SNX4: variants seen among roughly 807,000 people sequenced by gnomAD.
The protein encoded by SNX4 is sorting nexin 4.
SNX4 carries 49 observed loss-of-function variants against 70.8 expected under a neutral mutation model. The observed-to-expected ratio is 0.69, with a 90% CI of 0.55 to 0.88. SNX4 has a LOEUF of 0.88. Ranked by LOEUF, SNX4 falls within the 40% of genes least tolerant of loss-of-function variation. The pLI is 0.00. For synonymous variants in SNX4, 206 were observed against 183.8 expected, an observed-to-expected ratio of 1.12 and a Z score of -0.98; for missense variants, 528 against 544.8, an observed-to-expected ratio of 0.97 and a Z score of 0.31.
intron 7 of SNX4, among the ~76,000 whole-genome samples, chr3:125,479,894 A>C (rs1934371217): frequency 6.6e-6 from 1 of 152,218 alleles, no homozygotes; most frequent in African/African-American, 2.4e-5. Context: ...AGGATGGCCT[A>C]ACACCTATAA....
chr3:125,453,750 T>C (rs768222636), intron 12 of SNX4, 60 bp downstream of exon 12: 2 of 1,430,424 alleles, frequency 1.4e-6, no homozygotes, highest in Non-Finnish European at 1.9e-6. Context: ...AATAAATAAA[T>C]AAAATAATCT....
At chr3:125,519,938 GGCCCGGCCCGGCCCA>G in intron 1 of SNX4, 79 bp downstream of exon 1, 3 of 835,520 alleles carry the variant, frequency 3.6e-6, no homozygotes, top group Non-Finnish European at 4.8e-6. Flanking sequence ...CGAGCCCACT[GGCCCGGCCCGGCCCA>G]GCCCAGCCCA....
At chr3:125,453,779 C>T (rs759484770) in intron 12 of SNX4, 31 bp downstream of exon 12, 53 of 1,607,314 alleles carry the variant, frequency 3.3e-5, no homozygotes, top group Non-Finnish European at 4.1e-5. Flanking sequence ...GTCTACAAGC[C>T]TAGCTTACTT....
At chr3:125,464,326 AT>A (rs915133612) in intron 9 of SNX4, among the ~76,000 whole-genome samples, 3 of 151,918 alleles carry the variant, frequency 2.0e-5, no homozygotes, top group African/African-American at 7.3e-5. Flanking sequence ...ATTTAAAGTA[AT>A]TTTTTCTTTT....
chr3:125,465,219 T>C (rs564975597), intron 9 of SNX4, among the ~76,000 whole-genome samples: 1 of 152,002 alleles, frequency 6.6e-6, no homozygotes, highest in South Asian at 2.1e-4. Context: ...ACTATCTTCA[T>C]AACTTAGCTT....
chr3:125,503,072 A>G (rs1934967445), intron 2 of SNX4, among the ~76,000 whole-genome samples: 1 of 151,742 alleles, frequency 6.6e-6, no homozygotes, highest in South Asian at 2.1e-4. Context: ...ACACCTGGCT[A>G]ATTTTCATAT....
chr3:125,464,356 G>C (rs984546306), intron 9 of SNX4, among the ~76,000 whole-genome samples: 1 of 151,168 alleles, frequency 6.6e-6, no homozygotes, highest in Admixed American at 6.6e-5. Context: ...TCTTAACAAT[G>C]TTTTCCACTA....
At chr3:125,502,094 T>C (rs918805320) in intron 2 of SNX4, among the ~76,000 whole-genome samples, 1 of 152,238 alleles carries the variant, frequency 6.6e-6, no homozygotes, top group Non-Finnish European at 1.5e-5. Flanking sequence ...CCTTTTTCAT[T>C]GTAAACTTAA....
chr3:125,509,140 C>A (rs185974249), intron 1 of SNX4, among the ~76,000 whole-genome samples: 1 of 151,550 alleles, frequency 6.6e-6, no homozygotes, highest in Admixed American at 6.6e-5. Flanking sequence ...CAAGATCAGC[C>A]TGGCCCACAT....
rs1933458622 is a variant in SNX4 at position 125,447,693 on chromosome 3, A to G, written c.*86T>C. On this transcript the variant is annotated 3_prime_UTR_variant, in exon 14 of 14. Coordinates refer to ENST00000251775, the MANE Select transcript of SNX4 (RefSeq NM_003794.4). ...TTTAACTTATTGTATATGTTTATGT[A>G]TACTAGGTAGTGACTTAAATTTCTT... 4 of 868,126 alleles carry G rather than the reference A, an allele frequency of 4.6e-6. No individual in the cohort carries two copies. The South Asian group carries it at 6.3e-5, about 14-fold the overall frequency. The allele number at this position is 868,126 out of a possible 1,614,324, so 53.8% of individuals were successfully genotyped here.
At chr3:125,519,962 C>G (rs1421368759) in intron 1 of SNX4, 70 bp downstream of exon 1, 1 of 1,320,246 alleles carries the variant, frequency 7.6e-7, no homozygotes. Flanking sequence ...CAGCCCAGCC[C>G]AGCCCAGCCC....
chr3:125,447,759 G>C lies in SNX4; in HGVS notation c.*20C>G, dbSNP rs757163476. On this transcript the variant is annotated 3_prime_UTR_variant, in exon 14 of 14. Coordinates refer to ENST00000251775, the MANE Select transcript of SNX4 (RefSeq NM_003794.4). ...TCTGTTTTGGGGCACTTTGATTGAAGAGAAATTCAATTCACAGGATTACAT... is the reference window on the plus strand; with the variant it reads ...TCTGTTTTGGGGCACTTTGATTGAACAGAAATTCAATTCACAGGATTACAT... 36 of 1,574,218 alleles carry C rather than the reference G, an allele frequency of 2.3e-5. No homozygotes were observed. Among genetic ancestry groups the C allele is most frequent in the Non-Finnish European group, 2.9e-5 (33 of 1,157,556 alleles).
At chr3:125,490,734 T>C (rs1277421842) in intron 5 of SNX4, among the ~76,000 whole-genome samples, 1 of 151,402 alleles carries the variant, frequency 6.6e-6, no homozygotes, top group African/African-American at 2.4e-5. Flanking sequence ...CTGCATAAAA[T>C]GTATACGTAA....
chr3:125,512,236 G>A (rs2107573127), intron 1 of SNX4, among the ~76,000 whole-genome samples: 1 of 152,198 alleles, frequency 6.6e-6, no homozygotes, highest in East Asian at 1.9e-4. Flanking sequence ...ATACATTCTG[G>A]CCCACAGCCA....
intron 9 of SNX4, among the ~76,000 whole-genome samples, chr3:125,464,205 ACT>A (rs1933952146): frequency 6.6e-6 from 1 of 151,856 alleles, no homozygotes; most frequent in Admixed American, 6.6e-5. Context: ...TGCAACTGAA[ACT>A]CTGCACCCCA....
At chr3:125,461,316 C>T (rs905903188) in intron 9 of SNX4, among the ~76,000 whole-genome samples, 1 of 152,192 alleles carries the variant, frequency 6.6e-6, no homozygotes, top group Admixed American at 6.5e-5. Context: ...GTTGTAAGTA[C>T]AGACAGTGAG....
At chr3:125,471,311 T>C (rs1293334592) in intron 8 of SNX4, among the ~76,000 whole-genome samples, 1 of 91,310 alleles carries the variant, frequency 1.1e-5, no homozygotes, top group Admixed American at 1.7e-4. Context: ...GCCATTGCAC[T>C]CCAGTGTGGG....
At chr3:125,500,890 AC>A (rs1381754948) in intron 2 of SNX4, among the ~76,000 whole-genome samples, 2,299 of 108,372 alleles carry the variant, frequency 0.021, 58 homozygotes, top group African/African-American at 0.084. Flanking sequence ...TGGCTAATTT[AC>A]AAAAAAAAAA....
chr3:125,514,389 C>CT (rs57357708), intron 1 of SNX4, among the ~76,000 whole-genome samples: 3,568 of 127,112 alleles, frequency 0.028, 83 homozygotes, highest in Non-Finnish European at 0.045. Flanking sequence ...GTGACCAACA[C>CT]TTTTTTTTTT....
Sources: allele counts gnomAD v4.1 joint callset (sites outside exome capture counted in the v4.1 genomes callset), GRCh38; gene constraint gnomAD v4.1.1; transcripts MANE v1.5; gene names NCBI Gene and HGNC (gene_info 2026-07-23, HGNC 2026-07-21).